MYO1E: variants seen among roughly 807,000 people sequenced by gnomAD.
The protein encoded by MYO1E is myosin IE, also known as unconventional myosin-Ie.
A neutral mutation model predicts 151.1 loss-of-function variants in MYO1E; 68 were observed. The ratio of observed to expected loss-of-function variants is 0.45; its 90% confidence interval spans 0.37 to 0.55. The LOEUF is 0.55. MYO1E is among the 20% of genes least tolerant of loss of function. MYO1E has a pLI of 0.00. For missense variants in MYO1E, 1,363 were observed against 1,389.3 expected, an observed-to-expected ratio of 0.98 and a Z score of 0.30; for synonymous variants, 601 against 501.7, an observed-to-expected ratio of 1.20 and a Z score of -2.64.
At chr15:59,226,666 G>C (rs1323362592) in intron 7 of MYO1E, among the ~76,000 whole-genome samples, 2 of 152,144 alleles carry the variant, frequency 1.3e-5, no homozygotes, top group Non-Finnish European at 2.9e-5. Context: ...AATTAGCCAG[G>C]TGTGGTGGCA....
chr15:59,141,923 C>A (rs562405832), intron 26 of MYO1E, among the ~76,000 whole-genome samples: 1 of 151,408 alleles, frequency 6.6e-6, no homozygotes, highest in South Asian at 2.1e-4. Context: ...CTGGCTAACA[C>A]GGTGAAACCC....
At chr15:59,218,227 G>A (rs769144304) in intron 9 of MYO1E, 140 bp from the exon 10 acceptor site, 25 of 961,634 alleles carry the variant, frequency 2.6e-5, no homozygotes, top group Non-Finnish European at 3.6e-5. Flanking sequence ...AAGAGCTTAC[G>A]TTCTAGTGAA....
intron 7 of MYO1E, among the ~76,000 whole-genome samples, chr15:59,225,074 C>G (rs751238785): frequency 1.3e-5 from 2 of 152,218 alleles, no homozygotes; most frequent in Non-Finnish European, 2.9e-5. Flanking sequence ...GACTGCCACC[C>G]TCGGAAGAGT....
chr15:59,256,248 A>G, intron 4 of MYO1E, 36 bp downstream of exon 4: 1 of 1,490,390 alleles, frequency 6.7e-7, no homozygotes, highest in Non-Finnish European at 9.4e-7. Context: ...ATAGTCTCAT[A>G]TCTTCCACGC....
At chr15:59,164,401 A>C (rs1596348022) in intron 22 of MYO1E, among the ~76,000 whole-genome samples, 1 of 152,362 alleles carries the variant, frequency 6.6e-6, no homozygotes, top group East Asian at 1.9e-4. Flanking sequence ...TGAATTGACC[A>C]TGGTAACATT....
rs571951556 is a variant in MYO1E at position 59,292,469 on chromosome 15, T to C, written c.4-20020A>G. On this transcript the variant is annotated intron_variant, in intron 1 of 27. Coordinates refer to ENST00000288235, the MANE Select transcript of MYO1E (RefSeq NM_004998.4). ...GCGTTACTAGAGAAACTAAAACTCA[T>C]GTTGGCCGCAAGGATGGACAACAAT... 1.4e-3 allele frequency among the ~76,000 whole-genome samples: 214 copies of C among 152,356 alleles called. 1 individual carries two copies. Among genetic ancestry groups the C allele is most frequent in the African/African-American group, 5.0e-3 (206 of 41,578 alleles).
At chr15:59,326,717 T>C (rs1246528939) in intron 1 of MYO1E, among the ~76,000 whole-genome samples, 2 of 152,228 alleles carry the variant, frequency 1.3e-5, no homozygotes, top group Non-Finnish European at 1.5e-5. Context: ...CTTGCTTTTG[T>C]GTTAAAATAT....
chr15:59,306,383 G>A (rs2080514901), intron 1 of MYO1E, among the ~76,000 whole-genome samples: 1 of 151,896 alleles, frequency 6.6e-6, no homozygotes, highest in Admixed American at 6.6e-5. Flanking sequence ...AATAGCCTAG[G>A]GCACATTAAT....
chr15:59,216,123 C>T (rs1769465342), intron 10 of MYO1E, among the ~76,000 whole-genome samples: 1 of 152,152 alleles, frequency 6.6e-6, no homozygotes, highest in Admixed American at 6.5e-5. Context: ...ATGTTAGTGC[C>T]TGGAATCAAA....
At chr15:59,252,673 C>T (rs2080171870) in intron 4 of MYO1E, among the ~76,000 whole-genome samples, 1 of 151,810 alleles carries the variant, frequency 6.6e-6, no homozygotes, top group Admixed American at 6.6e-5. Context: ...CAAGATCGTG[C>T]CACTGCACTC....
intron 1 of MYO1E, among the ~76,000 whole-genome samples, chr15:59,322,827 T>C (rs2080635688): frequency 1.3e-5 from 2 of 152,248 alleles, no homozygotes; most frequent in East Asian, 1.9e-4. Flanking sequence ...CATGTCTTAA[T>C]TTAGTTAGCA....
intron 23 of MYO1E, among the ~76,000 whole-genome samples, chr15:59,162,632 C>A (rs1322027589): frequency 2.2e-5 from 3 of 135,870 alleles, no homozygotes; most frequent in Non-Finnish European, 3.1e-5. Context: ...GGCAACAGAA[C>A]GAGACGCCAT....
intron 1 of MYO1E, among the ~76,000 whole-genome samples, chr15:59,279,764 G>GA (rs1230498540): frequency 2.0e-5 from 3 of 151,962 alleles, no homozygotes; most frequent in South Asian, 2.1e-4. Context: ...AAGGGGGAGG[G>GA]AAAAAAAGGT....
chr15:59,190,249 T>C (rs1038082565), intron 17 of MYO1E, among the ~76,000 whole-genome samples: 3 of 152,198 alleles, frequency 2.0e-5, no homozygotes, highest in Non-Finnish European at 2.9e-5. Context: ...GAAGATGGAA[T>C]GTCAGGATTG....
chr15:59,304,017 T>C (rs1313657258), intron 1 of MYO1E, among the ~76,000 whole-genome samples: 1 of 151,012 alleles, frequency 6.6e-6, no homozygotes, highest in Non-Finnish European at 1.5e-5. Flanking sequence ...AGTTTCGCTC[T>C]TGTCACCCAG....
At chr15:59,183,242 G>C (rs1227089139) in intron 18 of MYO1E, among the ~76,000 whole-genome samples, 5 of 152,078 alleles carry the variant, frequency 3.3e-5, no homozygotes, top group African/African-American at 4.8e-5. Context: ...CAGTTTGGTT[G>C]GTTGGTTGGT....
chr15:59,369,945 C>T (rs572835252), intron 1 of MYO1E, among the ~76,000 whole-genome samples: 57 of 152,160 alleles, frequency 3.7e-4, no homozygotes, highest in Non-Finnish European at 6.6e-4. Context: ...TCCCTATAGC[C>T]CAGCCAAGGG....
rs773492619 is a variant in MYO1E at position 59,207,217 on chromosome 15, T to C, written c.1530+1464A>G. 3.1e-6 allele frequency: 5 copies of C among 1,614,230 alleles called. No homozygotes were observed. In the South Asian group the frequency reaches 4.4e-5, roughly 14 times the overall value. On this transcript the variant is annotated intron_variant, in intron 14 of 27. Transcript: ENST00000288235. ...CGCTATCAGCATCTTATTAAAAGGC[T>C]TGAGTGATGAACTTGCCCTTGTGGA...
intron 14 of MYO1E, chr15:59,207,378 T>C: frequency 6.2e-7 from 1 of 1,614,058 alleles, no homozygotes; most frequent in Non-Finnish European, 8.5e-7. Flanking sequence ...TCACAGCAGG[T>C]GCACGCCAAG....
Sources: allele counts gnomAD v4.1 joint callset (sites outside exome capture counted in the v4.1 genomes callset), GRCh38; gene constraint gnomAD v4.1.1; transcripts MANE v1.5; gene names NCBI Gene and HGNC (gene_info 2026-07-23, HGNC 2026-07-21).